Variants in MOCS1 observed in about 807,000 individuals in gnomAD.
The protein encoded by MOCS1 is molybdenum cofactor biosynthesis protein 1.
Under a neutral mutation model 57.6 loss-of-function variants are expected in MOCS1, and 39 were observed. The observed-to-expected ratio is 0.68, with a 90% CI of 0.52 to 0.88. The LOEUF is 0.88. MOCS1 is among the 40% of genes least tolerant of loss of function. The pLI is 0.00. For synonymous variants in MOCS1, 334 were observed against 335.7 expected (o/e 1.00, Z 0.05); for missense variants, 795 against 831.1 (o/e 0.96, Z 0.53).
chr6:39,912,259 C>A lies in MOCS1; in HGVS notation c.981+5G>T. On this transcript the variant is annotated splice_donor_5th_base_variant and intron_variant, in intron 8 of 10. Transcript: ENST00000340692. ...AGGGGTCCCTGTGGAGGAGGGGATG[C>A]TCACCTTGAGGTTCCCATCAGCTGT... 6.2e-7 allele frequency: 1 copy of A among 1,603,714 alleles called. No homozygotes were observed. Among genetic ancestry groups the A allele is most frequent in the Non-Finnish European group, 8.5e-7 (1 of 1,171,992 alleles).
At chr6:39,907,730 G>C (rs1224372356) in intron 10 of MOCS1, among the ~76,000 whole-genome samples, 1 of 152,126 alleles carries the variant, frequency 6.6e-6, no homozygotes, top group Admixed American at 6.5e-5. Context: ...AGGGTGGTTG[G>C]CTTATGGACC....
chr6:39,906,953 G>C lies in MOCS1; in HGVS notation c.1315C>G (p.Arg439Gly). 3.7e-6 allele frequency: 6 copies of C among 1,614,102 alleles called. No individual in the cohort carries two copies. Among genetic ancestry groups the C allele is most frequent in the Non-Finnish European group, 5.1e-6 (6 of 1,180,022 alleles). Residue 439 changes from arginine to glycine, a missense_variant, in exon 11 of 11, where the codon CGG becomes GGG. Physicochemically the swap from Arg to Gly is moderately radical, Grantham distance 125 (BLOSUM62 -2). Coordinates refer to ENST00000340692, the MANE Select transcript of MOCS1 (RefSeq NM_001358530.2). ...CTCTGAAAGGAGCCAGACCCCAGCCGCTGCTGGGCTAGAGGAGGGGTCTGG... is the reference window on the plus strand; with the variant it reads ...CTCTGAAAGGAGCCAGACCCCAGCCCCTGCTGGGCTAGAGGAGGGGTCTGG... ...VPQTPPLAQQ[R>G]LGSGSFQRHY... is the part of the protein sequence containing the mutation.
chr6:39,906,951 C>T lies in MOCS1; in HGVS notation c.1317G>A (p.Arg439=), dbSNP rs1205324440. Reference sequence around the variant, plus strand: ...GTCTCTGAAAGGAGCCAGACCCCAGCCGCTGCTGGGCTAGAGGAGGGGTCT... The same window carrying T: ...GTCTCTGAAAGGAGCCAGACCCCAGTCGCTGCTGGGCTAGAGGAGGGGTCT... ...VPQTPPLAQQ[R]LGSGSFQRHY... The change falls in exon 11 of 11, where the codon CGG becomes CGA. Residue 439 remains arginine (R), a synonymous_variant. Transcript: ENST00000340692. 6.2e-7 allele frequency: 1 copy of T among 1,614,146 alleles called. No individual in the cohort carries two copies.
In MOCS1 at chr6:39,907,212, AG is replaced by A. The variant is rs111769881; in HGVS notation, c.1151-96del. The stretch of plus-strand genomic sequence containing the variant: ...CCAACCCTCTCCCTATCCCACCTCA[AG>A]TTCTCTTTCATACCGGGGAAAGAGG... On this transcript the variant is annotated intron_variant, in intron 10 of 10. Transcript: ENST00000340692. 6,447 of 1,309,998 alleles carry A rather than the reference AG, an allele frequency of 4.9e-3. 229 individuals are homozygous for A. In the African/African-American group the frequency reaches 0.078, roughly 16 times the overall value. The allele number at this position is 1,309,998 out of a possible 1,614,324, so 81.1% of individuals were successfully genotyped here.
At chr6:39,927,742 G>A in intron 1 of MOCS1, 4 of 1,515,038 alleles carry the variant, frequency 2.6e-6, no homozygotes, top group East Asian at 4.9e-5. Context: ...AGGCAAGGGT[G>A]TGGGGAAATC....
In MOCS1 at chr6:39,934,318, C is replaced by G. The variant is rs1444302015; in HGVS notation, c.100G>C (p.Glu34Gln). The change falls in exon 1 of 11, where the codon GAG becomes CAG. Residue 34 changes from glutamate to glutamine, a missense_variant. Transcript: ENST00000340692. Reference sequence around the variant, plus strand: ...ACCTCCGAGGCAGCTCGCGCGGACTCCCCGGGGCAGGGCTGGGTCACCGGA... The same window carrying G: ...ACCTCCGAGGCAGCTCGCGCGGACTGCCCGGGGCAGGGCTGGGTCACCGGA... ...GAPVTQPCPG[E>Q]SARAASEEVS... 5.9e-5 allele frequency: 92 copies of G among 1,548,726 alleles called. No homozygotes were observed. The highest frequency in any genetic ancestry group is 7.6e-5 in the Non-Finnish European group (88 of 1,151,848).
chr6:39,926,208 C>A (rs901866723), intron 2 of MOCS1, among the ~76,000 whole-genome samples: 1 of 152,154 alleles, frequency 6.6e-6, no homozygotes, highest in Non-Finnish European at 1.5e-5. Flanking sequence ...CATTGTCACC[C>A]ATCCTCCTGC....
intron 8 of MOCS1, among the ~76,000 whole-genome samples, chr6:39,911,183 T>C (rs112273775): frequency 6.8e-4 from 104 of 152,326 alleles, no homozygotes; most frequent in African/African-American, 2.3e-3. Flanking sequence ...ACCTCACAGA[T>C]ACAGATACCA....
rs776730566 is a variant in MOCS1, at chr6:39,909,110, G to A, written c.1103-8C>T. 4 of 1,606,604 alleles carry A rather than the reference G, an allele frequency of 2.5e-6. No homozygotes were observed. The highest frequency in any genetic ancestry group is 2.2e-5 in the South Asian group (2 of 90,584). On this transcript the variant is annotated splice_polypyrimidine_tract_variant and splice_region_variant and intron_variant, in intron 9 of 10. Transcript: ENST00000340692. ...GGGAAATACTGAACATGCCTGGGGT[G>A]AGGGAAAGATGGGGAGGGAGAGGAA...
chr6:39,928,274 C>T (rs796294831), intron 1 of MOCS1, among the ~76,000 whole-genome samples: 19 of 152,046 alleles, frequency 1.2e-4, no homozygotes, highest in African/African-American at 4.3e-4. Flanking sequence ...ATGCCATTCT[C>T]CTGCCTCAGT....
At chr6:39,910,958 T>G (rs140447012) in intron 8 of MOCS1, among the ~76,000 whole-genome samples, 1 of 152,338 alleles carries the variant, frequency 6.6e-6, no homozygotes, top group East Asian at 1.9e-4. Context: ...ACAGCTCAAG[T>G]GCCAATGAGG....
chr6:39,925,962 T>C, intron 2 of MOCS1, 117 bp from the exon 3 acceptor site: 2 of 1,148,878 alleles, frequency 1.7e-6, no homozygotes, highest in Non-Finnish European at 2.4e-6. Context: ...CATCTGGATG[T>C]GAGCGGAGAC....
chr6:39,912,507 G>T (rs558217413), intron 7 of MOCS1, 133 bp from the exon 8 acceptor site: 1 of 721,042 alleles, frequency 1.4e-6, no homozygotes. Context: ...CTCCACCCAA[G>T]GCCCTCAGGT....
chr6:39,908,974 G>C (rs1006079583), intron 10 of MOCS1, 81 bp downstream of exon 10: 3 of 1,138,904 alleles, frequency 2.6e-6, no homozygotes, highest in Admixed American at 1.7e-5. Flanking sequence ...GCAGGAGCTG[G>C]GGGTGCCTAT....
chr6:39,923,312 C>G (rs541013109), intron 3 of MOCS1, among the ~76,000 whole-genome samples: 1 of 152,356 alleles, frequency 6.6e-6, no homozygotes, highest in South Asian at 2.1e-4. Flanking sequence ...AACTGAGGCC[C>G]TCGGTGGGGA....
chr6:39,916,022 T>A, intron 4 of MOCS1, 46 bp downstream of exon 4: 1 of 1,562,032 alleles, frequency 6.4e-7, no homozygotes, highest in Non-Finnish European at 8.7e-7. Flanking sequence ...TCCCCAGCTA[T>A]GTGCAGGCCC....
In MOCS1 at chr6:39,905,747, G is replaced by C. The variant is rs1433174239; in HGVS notation, c.*610C>G. 2.1e-6 allele frequency: 1 copy of C among 471,090 alleles called. No homozygotes were observed. The highest frequency in any genetic ancestry group is 4.4e-6 in the Non-Finnish European group (1 of 227,078). 29.2% of individuals were successfully genotyped at this position (471,090 alleles called of 1,614,324 possible). ...GGGCCAGAGGAAAAGGGGCCAGCAG[G>C]ACCGGGCAACTGTTAAGCTGAAAGG... On this transcript the variant is annotated 3_prime_UTR_variant, in exon 11 of 11. Transcript: ENST00000340692.
rs1156880851 is a variant in MOCS1 at position 39,907,115 on chromosome 6, ACT to A, written c.1151_1152del (p.Glu384ValfsTer79). 2.0e-5 allele frequency: 33 copies of A among 1,609,918 alleles called. No homozygotes were observed. Among genetic ancestry groups the A allele is most frequent in the South Asian group, 3.3e-5 (3 of 90,522 alleles). ...GGGGAATTGGGGAACATCAAAAATA[ACT>A]CTGCAAGGCAAGAAGAAAAGAGAAG... ...QMKNRPMILI[E>X]LFLMFPNSPP... On this transcript the variant is annotated frameshift_variant and splice_region_variant, in exon 11 of 11. Coordinates refer to ENST00000340692, the MANE Select transcript of MOCS1 (RefSeq NM_001358530.2). LOFTEE classifies it low-confidence loss of function (END_TRUNC).
chr6:39,914,229 A>G (rs1411199119), intron 4 of MOCS1, among the ~76,000 whole-genome samples: 1 of 152,238 alleles, frequency 6.6e-6, no homozygotes, highest in Non-Finnish European at 1.5e-5. Context: ...ACATGAAAAC[A>G]GGCAGGGGGC....
Sources: allele counts gnomAD v4.1 joint callset (sites outside exome capture counted in the v4.1 genomes callset), GRCh38; gene constraint gnomAD v4.1.1; transcripts MANE v1.5; gene names NCBI Gene and HGNC (gene_info 2026-07-23, HGNC 2026-07-21).